The following SGCG variants were observed in gnomAD, a reference collection of about 807,000 sequenced individuals.
SGCG encodes the protein gamma-sarcoglycan.
SGCG carries 26 observed loss-of-function variants against 29.3 expected under a neutral mutation model. The ratio of observed to expected loss-of-function variants is 0.89; its 90% CI spans 0.65 to 1.23. SGCG has a LOEUF of 1.23. Ranked by LOEUF, SGCG falls within the 50% of genes most tolerant of loss-of-function variation. The probability of loss-of-function intolerance (pLI) is 0.00; values close to 1 mark genes in which losing one functional copy is unlikely to be tolerated. For synonymous variants in SGCG, 145 were observed against 129.7 expected (o/e 1.12, Z -0.80); for missense variants, 353 against 356.0 (o/e 0.99, Z 0.07).
At chr13:23,266,628 C>T (rs1194321947) in intron 4 of SGCG, among the ~76,000 whole-genome samples, 1 of 152,054 alleles carries the variant, frequency 6.6e-6, no homozygotes, top group African/African-American at 2.4e-5. Context: ...GTGATGAGTG[C>T]ACTAAAATCC....
chr13:23,304,987 G>A (rs138486742), intron 6 of SGCG, among the ~76,000 whole-genome samples: 7,383 of 47,614 alleles, frequency 0.16, 250 homozygotes, highest in Non-Finnish European at 0.2. Flanking sequence ...GCTCACAGGC[G>A]TGCACGTGCT....
intron 3 of SGCG, among the ~76,000 whole-genome samples, chr13:23,240,295 A>G (rs1879458809): frequency 6.6e-6 from 1 of 152,210 alleles, no homozygotes; most frequent in Non-Finnish European, 1.5e-5. Flanking sequence ...ACACTCATGA[A>G]TCCACTATCA....
At chr13:23,301,553 T>C (rs1175632914) in intron 6 of SGCG, among the ~76,000 whole-genome samples, 2 of 152,110 alleles carry the variant, frequency 1.3e-5, no homozygotes, top group Non-Finnish European at 2.9e-5. Context: ...GCGATATTAA[T>C]AGCAGACAGA....
At chr13:23,254,184 G>A (rs1593199778) in intron 4 of SGCG, among the ~76,000 whole-genome samples, 2 of 152,272 alleles carry the variant, frequency 1.3e-5, no homozygotes, top group African/African-American at 4.8e-5. Context: ...GCTCAGACAG[G>A]AAGATGACAG....
intron 1 of SGCG, among the ~76,000 whole-genome samples, chr13:23,192,175 A>C (rs912735327): frequency 7.4e-5 from 7 of 94,954 alleles, no homozygotes; most frequent in African/African-American, 1.5e-4. Flanking sequence ...ACTGCGTCCC[A>C]AAAAAAAAAA....
In SGCG at chr13:23,288,701, A is replaced by G. The variant is rs1881592884; in HGVS notation, c.506-6714A>G. Among the ~76,000 whole-genome samples, 7 of 152,340 alleles carry G rather than the reference A, an allele frequency of 4.6e-5. No individual in the cohort carries two copies. In the South Asian group the frequency reaches 8.3e-4, roughly 18 times the overall value. On this transcript the variant is annotated intron_variant, in intron 5 of 7. Transcript: ENST00000218867. ...CTTTTATTAACCCAAGTTACAGAACATACTATTGGAATAACATCAAAATGT... is the reference window on the plus strand; with the variant it reads ...CTTTTATTAACCCAAGTTACAGAACGTACTATTGGAATAACATCAAAATGT...
intron 2 of SGCG, among the ~76,000 whole-genome samples, chr13:23,213,046 A>C (rs1878288183): frequency 6.6e-6 from 1 of 152,230 alleles, no homozygotes; most frequent in African/African-American, 2.4e-5. Context: ...CATACAACAC[A>C]CGGAAACTTT....
intron 2 of SGCG, among the ~76,000 whole-genome samples, chr13:23,220,410 A>G (rs973078211): frequency 3.9e-5 from 6 of 152,196 alleles, no homozygotes; most frequent in African/African-American, 1.2e-4. Flanking sequence ...AAATCGCACC[A>G]TTGCGCTCCA....
At chr13:23,183,677 AT>A (rs137982825) in intron 1 of SGCG, among the ~76,000 whole-genome samples, 2 of 150,994 alleles carry the variant, frequency 1.3e-5, no homozygotes, top group Non-Finnish European at 3.0e-5. Context: ...CTTTATTTTT[AT>A]TTTTTTTTGA....
chr13:23,199,407 C>T (rs1227875367), intron 1 of SGCG, among the ~76,000 whole-genome samples: 1 of 152,180 alleles, frequency 6.6e-6, no homozygotes, highest in African/African-American at 2.4e-5. Context: ...GCCTGACCTC[C>T]AAGTGCTGAA....
At chr13:23,185,794 C>T (rs1046639445) in intron 1 of SGCG, among the ~76,000 whole-genome samples, 1 of 152,118 alleles carries the variant, frequency 6.6e-6, no homozygotes, top group Non-Finnish European at 1.5e-5. Context: ...CAGCCATGGG[C>T]GAGGCAGCTT....
chr13:23,282,695 AC>A (rs1339675461), intron 5 of SGCG, among the ~76,000 whole-genome samples: 1 of 133,780 alleles, frequency 7.5e-6, no homozygotes, highest in Non-Finnish European at 1.7e-5. Flanking sequence ...ATAGTATTCC[AC>A]ATTTTCTTTA....
At chr13:23,211,838 A>G (rs1878226929) in intron 2 of SGCG, among the ~76,000 whole-genome samples, 1 of 152,132 alleles carries the variant, frequency 6.6e-6, no homozygotes, top group Non-Finnish European at 1.5e-5. Flanking sequence ...CAACCCAGGC[A>G]CACACGTACA....
At chr13:23,271,083 G>A (rs773225833) in intron 4 of SGCG, among the ~76,000 whole-genome samples, 1 of 151,946 alleles carries the variant, frequency 6.6e-6, no homozygotes, top group Non-Finnish European at 1.5e-5. Flanking sequence ...GTGGTGGCAC[G>A]CGCCCGTAAT....
Position 23,279,493 on chromosome 13 carries a change from G to T in SGCG, c.505+15G>T, listed in dbSNP as rs144143366. The T allele has an allele frequency of 6.2e-6, 10 of 1,610,490 alleles. No individual in the cohort carries two copies. The highest frequency in any genetic ancestry group is 3.3e-5 in the South Asian group (3 of 90,704). ...TCGAGTAACTGGTATGTACTAACTC[G>T]AGAAAAACACAACATTCCATGGAGT... On this transcript the variant is annotated intron_variant, in intron 5 of 7. Coordinates refer to ENST00000218867, the MANE Select transcript of SGCG (RefSeq NM_000231.3).
chr13:23,297,759 T>TG (rs1287030930), intron 6 of SGCG, among the ~76,000 whole-genome samples: 2 of 152,212 alleles, frequency 1.3e-5, no homozygotes, highest in Non-Finnish European at 2.9e-5. Context: ...GGCCAGATTT[T>TG]GGGGGGCCTG....
intron 2 of SGCG, among the ~76,000 whole-genome samples, chr13:23,213,506 A>G (rs970154978): frequency 2.0e-5 from 3 of 152,250 alleles, no homozygotes; most frequent in East Asian, 1.9e-4. Context: ...AAAGATGACA[A>G]TGTAAACTAC....
At chr13:23,293,026 G>A (rs1412113915) in intron 5 of SGCG, among the ~76,000 whole-genome samples, 1 of 152,132 alleles carries the variant, frequency 6.6e-6, no homozygotes, top group Non-Finnish European at 1.5e-5. Context: ...ATGCCAAGCA[G>A]GAAATGTTGT....
At chr13:23,252,864 T>C (rs1176359167) in intron 4 of SGCG, among the ~76,000 whole-genome samples, 5 of 152,092 alleles carry the variant, frequency 3.3e-5, no homozygotes, top group African/African-American at 1.2e-4. Flanking sequence ...AAAAAGCAGA[T>C]TTGCTCAAGA....
Sources: gnomAD v4.1 joint callset for allele counts (sites outside exome capture counted in the v4.1 genomes callset) on GRCh38, gnomAD v4.1.1 for gene constraint, MANE v1.5 for transcripts, NCBI Gene and HGNC (gene_info 2026-07-23, HGNC 2026-07-21) for gene names.